The following AGO1 variants were observed in gnomAD, a reference collection of about 807,000 sequenced individuals.
AGO1 encodes the protein argonaute RISC component 1, also known as protein argonaute-1.
In AGO1, 11 loss-of-function variants were observed where a neutral mutation model predicts 109.2. The observed-to-expected ratio is 0.10, with a 90% CI of 0.06 to 0.17. The LOEUF (loss-of-function observed/expected upper bound fraction) is 0.17, where lower values mean the gene tolerates loss of function less well. Ranked by LOEUF, AGO1 falls within the 10% of genes least tolerant of loss-of-function variation. The pLI is 1.00. For missense variants in AGO1, 574 were observed against 1,140.3 expected, an observed-to-expected ratio of 0.50 and a Z score of 7.15; for synonymous variants, 422 against 418.6, an observed-to-expected ratio of 1.01 and a Z score of -0.10.
At chr1:35,907,178 G>A in intron 12 of AGO1, 59 bp downstream of exon 12, 1 of 1,469,750 alleles carries the variant, frequency 6.8e-7, no homozygotes, top group South Asian at 1.4e-5. Context: ...GTAGTTCCCT[G>A]GGGTCTCCTG....
In AGO1 at chr1:35,888,757, G is replaced by T. The variant is rs1347340887; in HGVS notation, c.209+147G>T. On this transcript the variant is annotated intron_variant, in intron 2 of 18. Transcript: ENST00000373204. The surrounding 1 kb of genome is among the most constrained non-coding windows in gnomAD (Gnocchi z 4.1). ...GGAGATGCCACGTCGGGTAAATGCT[G>T]AAAAATAGTCCAATTGGACTTCGCT... is the stretch of plus-strand genomic sequence containing the variant. The T allele has an allele frequency of 3.4e-6, 3 of 878,908 alleles. No individual in the cohort carries two copies. In the African/African-American group the frequency reaches 5.1e-5, roughly 15 times the overall value. The allele number at this position is 878,908 out of a possible 1,614,324, so 54.4% of individuals were successfully genotyped here.
chr1:35,894,184 C>T lies in AGO1; in HGVS notation c.784+13C>T, dbSNP rs950171129. 4.5e-6 allele frequency: 7 copies of T among 1,568,932 alleles called. No individual in the cohort carries two copies. Among genetic ancestry groups the T allele is most frequent in the African/African-American group, 2.7e-5 (2 of 73,912 alleles). ...AAGGAGATCAAGGGTGAGGACCCAACAGGAGGGGAAGGGAAACAGCGCCAC... is the reference window on the plus strand; with the variant it reads ...AAGGAGATCAAGGGTGAGGACCCAATAGGAGGGGAAGGGAAACAGCGCCAC... On this transcript the variant is annotated intron_variant, in intron 6 of 18. Transcript: ENST00000373204.
chr1:35,883,831 G>A lies in AGO1; in HGVS notation c.25+385G>A, dbSNP rs1308115699. On this transcript the variant is annotated intron_variant, in intron 1 of 18. Coordinates refer to ENST00000373204, the MANE Select transcript of AGO1 (RefSeq NM_012199.5). The surrounding 1 kb of genome is among the most constrained non-coding windows in gnomAD (Gnocchi z 5.4). ...GGGCCTGGAGCTACCGCATGCCGGG[G>A]GCGGGGGCTCCGCTGGGCTGGAATA... Among the ~76,000 whole-genome samples the A allele has an allele frequency of 6.6e-6, 1 of 152,208 alleles. No individual in the cohort carries two copies. Among genetic ancestry groups the A allele is most frequent in the Admixed American group, 6.5e-5 (1 of 15,286 alleles).
chr1:35,886,943 G>A (rs770305433), intron 1 of AGO1, among the ~76,000 whole-genome samples: 4 of 152,190 alleles, frequency 2.6e-5, no homozygotes, highest in Non-Finnish European at 5.9e-5. Flanking sequence ...AAATTGCCAA[G>A]GTCTAAGTGT....
chr1:35,906,925 G>T lies in AGO1; in HGVS notation c.1398-10G>T. ...CTCACTGCCTCCTTTGTGACCATGCGTGTGTACAGGAACTTCACAGACCAG... is the reference window on the plus strand; with the variant it reads ...CTCACTGCCTCCTTTGTGACCATGCTTGTGTACAGGAACTTCACAGACCAG... On this transcript the variant is annotated splice_polypyrimidine_tract_variant and intron_variant, in intron 11 of 18. Transcript: ENST00000373204. The T allele has an allele frequency of 6.2e-7, 1 of 1,605,556 alleles. No homozygotes were observed. The highest frequency in any genetic ancestry group is 1.3e-5 in the African/African-American group (1 of 74,922).
chr1:35,889,274 C>G (rs565913188), intron 2 of AGO1, among the ~76,000 whole-genome samples: 4 of 145,390 alleles, frequency 2.8e-5, no homozygotes, highest in Non-Finnish European at 6.0e-5. Context: ...AGTGCAATGG[C>G]GCGATCTCAA....
rs910110393 is a variant in AGO1 at position 35,893,497 on chromosome 1, C to T, written c.513-177C>T. The T allele has an allele frequency of 1.2e-6, 1 of 827,778 alleles. No homozygotes were observed. The highest frequency in any genetic ancestry group is 1.8e-6 in the Non-Finnish European group (1 of 545,532). The allele number at this position is 827,778 out of a possible 1,614,324, so 51.3% of individuals were successfully genotyped here. On this transcript the variant is annotated intron_variant, in intron 4 of 18. Transcript: ENST00000373204. The surrounding 1 kb of genome is among the most constrained non-coding windows in gnomAD (Gnocchi z 5.6). Reference sequence around the variant, plus strand: ...TTGGGCCTCATCCCATCTGTCCCTGCAGGGCAGAGAGAAGGTAGAAACTTG... The same window carrying T: ...TTGGGCCTCATCCCATCTGTCCCTGTAGGGCAGAGAGAAGGTAGAAACTTG...
In AGO1 at chr1:35,924,996, A is replaced by G. The variant is rs1032148243; in HGVS notation, c.*5389A>G. ...AGCTTAGAAAAAGAGAAGAGAAACT[A>G]GTATACAGCCCCCTAAGAAACTCAA... On this transcript the variant is annotated 3_prime_UTR_variant, in exon 19 of 19. Coordinates refer to ENST00000373204, the MANE Select transcript of AGO1 (RefSeq NM_012199.5). The G allele has an allele frequency of 1.3e-5, 2 of 152,146 alleles. No homozygotes were observed. The highest frequency in any genetic ancestry group is 4.8e-5 in the African/African-American group (2 of 41,424). 9.4% of individuals were successfully genotyped at this position (152,146 alleles called of 1,614,324 possible). A position where few individuals can be genotyped will look rare whatever the true frequency, so the allele number is the denominator to read the frequency against.
chr1:35,898,120 A>G (rs1645350550), intron 8 of AGO1, among the ~76,000 whole-genome samples: 1 of 152,180 alleles, frequency 6.6e-6, no homozygotes, highest in African/African-American at 2.4e-5. Context: ...GTTAATGGAC[A>G]TTTGGATTGT....
At chr1:35,879,720 G>A (rs1645019886), upstream of AGO1, among the ~76,000 whole-genome samples, 1 of 113,770 alleles carries the variant, frequency 8.8e-6, no homozygotes, top group Non-Finnish European at 1.7e-5. Context: ...GGGCGACAGA[G>A]TGAGGTTCTG....
intron 8 of AGO1, among the ~76,000 whole-genome samples, chr1:35,899,028 C>G (rs183976084): frequency 1.3e-5 from 2 of 152,288 alleles, no homozygotes; most frequent in East Asian, 3.9e-4. Context: ...CACACTGAAA[C>G]TCTATACCCA....
At position 35,888,174 on chromosome 1, in the gene AGO1, T is replaced by C. The variant is rs1046640756; in HGVS notation, c.26-253T>C. Among the ~76,000 whole-genome samples, 3 of 152,202 alleles carry C rather than the reference T, an allele frequency of 2.0e-5. No individual in the cohort carries two copies. Among genetic ancestry groups the C allele is most frequent in the Non-Finnish European group, 4.4e-5 (3 of 68,036 alleles). On this transcript the variant is annotated intron_variant, in intron 1 of 18. Transcript: ENST00000373204. The surrounding 1 kb of genome is among the most constrained non-coding windows in gnomAD (Gnocchi z 4.1). ...CTTAACATGCAATAGGAACTTATTA[T>C]ATATTAACTTAATGAATTAAAAATA...
chr1:35,878,886 T>C (rs1645012855), upstream of AGO1, among the ~76,000 whole-genome samples: 1 of 152,094 alleles, frequency 6.6e-6, no homozygotes, highest in Non-Finnish European at 1.5e-5. Flanking sequence ...TTTCTTTTTT[T>C]CCTCAGTTGT....
intron 11 of AGO1, among the ~76,000 whole-genome samples, chr1:35,906,731 C>T (rs1416607784): frequency 1.3e-5 from 2 of 151,664 alleles, no homozygotes; most frequent in South Asian, 2.1e-4. Context: ...TTGTTTTAGC[C>T]TAGCAGCTCG....
chr1:35,919,153 C>T lies in AGO1; in HGVS notation c.2364C>T (p.Tyr788=), dbSNP rs746352418. Residue 788 remains tyrosine (Y), a synonymous_variant, in exon 18 of 19, where the codon TAC becomes TAT. Coordinates refer to ENST00000373204, the MANE Select transcript of AGO1 (RefSeq NM_012199.5). The surrounding 1 kb of genome is among the most constrained non-coding windows in gnomAD (Gnocchi z 6.6). ...QILTYQLCHT[Y]VRCTRSVSIP... is the part of the protein sequence containing the mutation. ...TGACGTACCAGCTGTGCCACACTTA[C>T]GTACGATGCACACGCTCTGTCTCTA... is the stretch of plus-strand genomic sequence containing the variant. 1.9e-6 allele frequency: 3 copies of T among 1,614,126 alleles called. No homozygotes were observed. Among genetic ancestry groups the T allele is most frequent in the Non-Finnish European group, 2.5e-6 (3 of 1,180,010 alleles).
intron 1 of AGO1, among the ~76,000 whole-genome samples, chr1:35,876,271 G>GT (rs547889113): frequency 0.016 from 2,303 of 142,416 alleles, 22 homozygotes; most frequent in African/African-American, 0.032. Context: ...TTTGTTTTTT[G>GT]TTTTTTTTTT....
Position 35,930,396 on chromosome 1 carries a change from C to A in AGO1, c.*10789C>A, listed in dbSNP as rs1571393759. 1 of 152,162 alleles carries A rather than the reference C, an allele frequency of 6.6e-6. No individual in the cohort carries two copies. Among genetic ancestry groups the A allele is most frequent in the Admixed American group, 6.5e-5 (1 of 15,282 alleles). The allele number at this position is 152,162 out of a possible 1,614,324, so 9.4% of individuals were successfully genotyped here. A position where few individuals can be genotyped will look rare whatever the true frequency, so the allele number is the denominator to read the frequency against. On this transcript the variant is annotated 3_prime_UTR_variant, in exon 19 of 19. Transcript: ENST00000373204. ...AAGTCAGAAAAAAGCAGCGGTTGGC[C>A]CGTTGGGAGAATTGGAAGCCAACCA...
chr1:35,913,317 C>T lies in AGO1; in HGVS notation c.1583-525C>T, dbSNP rs918635002. On this transcript the variant is annotated intron_variant, in intron 12 of 18. Transcript: ENST00000373204. ...TACAGGCGTGAGCCACCGCGCCTGGCGTTCACCGGTCTTGTTAATCTAGGC... is the reference window on the plus strand; with the variant it reads ...TACAGGCGTGAGCCACCGCGCCTGGTGTTCACCGGTCTTGTTAATCTAGGC... Among the ~76,000 whole-genome samples the T allele has an allele frequency of 5.3e-5, 8 of 152,288 alleles. 1 individual carries two copies. The highest frequency in any genetic ancestry group is 4.1e-4 in the South Asian group (2 of 4,824).
chr1:35,900,911 A>AAAAT (rs1333692590), intron 8 of AGO1, among the ~76,000 whole-genome samples: 5 of 152,066 alleles, frequency 3.3e-5, no homozygotes, highest in Non-Finnish European at 5.9e-5. Flanking sequence ...CTATCTCAAA[A>AAAAT]AAATAAATAA....
Sources: gnomAD v4.1 joint callset for allele counts (sites outside exome capture counted in the v4.1 genomes callset) on GRCh38, gnomAD v4.1.1 for gene constraint, Gnocchi (gnomAD v3.1) non-coding constraint, MANE v1.5 for transcripts, NCBI Gene and HGNC (gene_info 2026-07-23, HGNC 2026-07-21) for gene names.